Variants in ST6GAL1 observed in about 807,000 individuals in gnomAD.
ST6GAL1 encodes the protein ST6 beta-galactoside alpha-2,6-sialyltransferase 1.
Under a neutral mutation model 38.0 loss-of-function variants are expected in ST6GAL1, and 20 were observed. The ratio of observed to expected loss-of-function variants is 0.53; its 90% confidence interval spans 0.37 to 0.77. The LOEUF is 0.77. Ranked by LOEUF, ST6GAL1 falls within the 30% of genes least tolerant of loss-of-function variation. The pLI is 0.00. For missense variants in ST6GAL1, 432 were observed against 496.4 expected (o/e 0.87, Z 1.23); for synonymous variants, 196 against 188.2 (o/e 1.04, Z -0.34).
At chr3:186,938,420 T>G (rs1714039989) in intron 1 of ST6GAL1, among the ~76,000 whole-genome samples, 1 of 152,248 alleles carries the variant, frequency 6.6e-6, no homozygotes, top group African/African-American at 2.4e-5. Context: ...AGGGTGATTA[T>G]GAGCATTAGA....
intron 1 of ST6GAL1, among the ~76,000 whole-genome samples, chr3:186,945,487 A>G (rs1263251530): frequency 6.6e-6 from 1 of 152,156 alleles, no homozygotes; most frequent in Non-Finnish European, 1.5e-5. Context: ...GAAGAAAAAG[A>G]TTAATCGACA....
chr3:186,984,727 C>T (rs1297862260), intron 2 of ST6GAL1, among the ~76,000 whole-genome samples: 5 of 111,932 alleles, frequency 4.5e-5, no homozygotes, highest in African/African-American at 1.6e-4. Flanking sequence ...CCCTTCCTCC[C>T]TTCCTTCCTT....
At chr3:186,993,728 G>A (rs1560154795) in intron 2 of ST6GAL1, among the ~76,000 whole-genome samples, 1 of 152,020 alleles carries the variant, frequency 6.6e-6, no homozygotes, top group African/African-American at 2.4e-5. Context: ...TTGAATTTTG[G>A]TTTTGTCACT....
Position 187,077,094 on chromosome 3 carries a change from C to T in ST6GAL1, c.*1291C>T, listed in dbSNP as rs753641893. 2.3e-5 allele frequency: 9 copies of T among 398,000 alleles called. No homozygotes were observed. The highest frequency in any genetic ancestry group is 6.2e-4 in the Middle Eastern group (1 of 1,610). The allele number at this position is 398,000 out of a possible 1,614,324, so 24.7% of individuals were successfully genotyped here. On this transcript the variant is annotated 3_prime_UTR_variant, in exon 8 of 8. Coordinates refer to ENST00000169298, the MANE Select transcript of ST6GAL1 (RefSeq NM_173216.2). ...TAGTGGTGTGGCTCTCTGGACTTAA[C>T]GTCACTCTCAGAGGTCAGAACCTTG...
At chr3:187,034,377 C>T (rs1406909621) in intron 2 of ST6GAL1, among the ~76,000 whole-genome samples, 1 of 152,046 alleles carries the variant, frequency 6.6e-6, no homozygotes, top group East Asian at 1.9e-4. Context: ...AAAAGTGAGG[C>T]AGACAGATCC....
chr3:187,057,100 T>C (rs1268028963), intron 5 of ST6GAL1, among the ~76,000 whole-genome samples: 1 of 152,232 alleles, frequency 6.6e-6, no homozygotes, highest in African/African-American at 2.4e-5. Context: ...GCATTGGCTA[T>C]TGAAGCTTGT....
chr3:187,022,208 T>G (rs1579329136), intron 2 of ST6GAL1, among the ~76,000 whole-genome samples: 1 of 152,244 alleles, frequency 6.6e-6, no homozygotes, highest in South Asian at 2.1e-4. Context: ...GTGTTGGAAC[T>G]GAATTAGAGG....
chr3:187,053,206 T>C (rs1370397995), intron 5 of ST6GAL1, among the ~76,000 whole-genome samples: 1 of 152,232 alleles, frequency 6.6e-6, no homozygotes, highest in African/African-American at 2.4e-5. Flanking sequence ...TAGCCCTTTG[T>C]CAGATGGATA....
At chr3:186,945,493 C>T (rs1053355083) in intron 1 of ST6GAL1, among the ~76,000 whole-genome samples, 17 of 152,062 alleles carry the variant, frequency 1.1e-4, no homozygotes, top group Admixed American at 2.0e-4. Context: ...AAAGATTAAT[C>T]GACAAACATA....
chr3:187,004,563 G>T (rs930306373), intron 2 of ST6GAL1, among the ~76,000 whole-genome samples: 21 of 152,308 alleles, frequency 1.4e-4, no homozygotes, highest in Admixed American at 2.0e-4. Flanking sequence ...GTGGACCAAG[G>T]TAGCAATATG....
intron 1 of ST6GAL1, among the ~76,000 whole-genome samples, chr3:186,958,968 T>A (rs200161172): frequency 7.3e-6 from 1 of 136,104 alleles, no homozygotes; most frequent in Non-Finnish European, 1.5e-5. Context: ...AAAAAAAAAA[T>A]TAAATAAATA....
At chr3:186,977,946 G>A (rs1363956948) in intron 2 of ST6GAL1, among the ~76,000 whole-genome samples, 1 of 152,212 alleles carries the variant, frequency 6.6e-6, no homozygotes, top group Non-Finnish European at 1.5e-5. Context: ...GGGCGTGGTG[G>A]CTCATGCCTG....
chr3:186,982,743 G>C (rs1011092359), intron 2 of ST6GAL1, among the ~76,000 whole-genome samples: 2 of 151,950 alleles, frequency 1.3e-5, no homozygotes, highest in African/African-American at 4.8e-5. Flanking sequence ...GTGCAATGGT[G>C]TGATCTCGGC....
chr3:187,046,028 T>G (rs1361626252), intron 4 of ST6GAL1, among the ~76,000 whole-genome samples: 1 of 152,170 alleles, frequency 6.6e-6, no homozygotes, highest in Admixed American at 6.5e-5. Flanking sequence ...CTTTAAGCCA[T>G]GGAGAGCCCT....
At chr3:186,941,445 C>T (rs1043693116) in intron 1 of ST6GAL1, among the ~76,000 whole-genome samples, 1 of 152,096 alleles carries the variant, frequency 6.6e-6, no homozygotes, top group Non-Finnish European at 1.5e-5. Flanking sequence ...CTTAGGACAA[C>T]ATATCGGAGG....
At chr3:186,998,112 G>A (rs994477295) in intron 2 of ST6GAL1, among the ~76,000 whole-genome samples, 3 of 152,168 alleles carry the variant, frequency 2.0e-5, no homozygotes, top group East Asian at 3.9e-4. Flanking sequence ...TAAAAAATAC[G>A]GGAAGTAAAA....
intron 1 of ST6GAL1, among the ~76,000 whole-genome samples, chr3:186,958,939 C>T (rs572278955): frequency 4.5e-5 from 6 of 133,052 alleles, no homozygotes; most frequent in South Asian, 2.4e-4. Context: ...GGTGACAGAG[C>T]GAGACTCCAT....
At chr3:186,963,232 C>CT (rs1316569135) in intron 1 of ST6GAL1, among the ~76,000 whole-genome samples, 2 of 151,876 alleles carry the variant, frequency 1.3e-5, no homozygotes, top group South Asian at 2.1e-4. Flanking sequence ...TTAAAAAAAA[C>CT]TTTTTTTTTG....
intron 2 of ST6GAL1, among the ~76,000 whole-genome samples, chr3:187,022,236 C>G (rs1275145467): frequency 1.3e-5 from 2 of 152,154 alleles, no homozygotes; most frequent in Non-Finnish European, 1.5e-5. Flanking sequence ...GCTGGTGTCG[C>G]TGCTTGGTGT....
Sources: gnomAD v4.1 joint callset for allele counts (sites outside exome capture counted in the v4.1 genomes callset) on GRCh38, gnomAD v4.1.1 for gene constraint, MANE v1.5 for transcripts, NCBI Gene and HGNC (gene_info 2026-07-23, HGNC 2026-07-21) for gene names.